FAM168A: variants seen among roughly 807,000 people sequenced by gnomAD.
FAM168A encodes protein FAM168A.
Under a neutral mutation model 28.5 loss-of-function variants are expected in FAM168A, and 3 were observed. The ratio of observed to expected loss-of-function variants is 0.11; its 90% confidence interval spans 0.05 to 0.27. The LOEUF (loss-of-function observed/expected upper bound fraction) is 0.27, where lower values mean the gene tolerates loss of function less well. Ranked by LOEUF, FAM168A falls within the 10% of genes least tolerant of loss-of-function variation. FAM168A has a pLI of 1.00. For synonymous variants in FAM168A, 122 were observed against 124.2 expected, an observed-to-expected ratio of 0.98 and a Z score of 0.12; for missense variants, 222 against 311.5, an observed-to-expected ratio of 0.71 and a Z score of 2.16.
chr11:73,514,249 A>T (rs1210094244), intron 1 of FAM168A, among the ~76,000 whole-genome samples: 2 of 151,992 alleles, frequency 1.3e-5, no homozygotes, highest in Admixed American at 6.6e-5. Context: ...AAAACAAAAT[A>T]AAAAAAAGGT....
intron 1 of FAM168A, among the ~76,000 whole-genome samples, chr11:73,546,405 C>T (rs977297224): frequency 1.3e-5 from 2 of 152,164 alleles, no homozygotes; most frequent in African/African-American, 4.8e-5. Context: ...AAGACAGCTT[C>T]TCAATAACAC....
intron 1 of FAM168A, among the ~76,000 whole-genome samples, chr11:73,567,076 G>C (rs925348750): frequency 2.0e-5 from 3 of 152,182 alleles, no homozygotes; most frequent in Non-Finnish European, 4.4e-5. Context: ...AGTCACAGGA[G>C]GTGACCCTGG....
chr11:73,582,623 T>C (rs1944261570), intron 1 of FAM168A, among the ~76,000 whole-genome samples: 1 of 152,224 alleles, frequency 6.6e-6, no homozygotes. Context: ...ATTTCAGTTG[T>C]AAAAATCAAA....
chr11:73,568,866 G>A (rs550696736), intron 1 of FAM168A, among the ~76,000 whole-genome samples: 5 of 152,036 alleles, frequency 3.3e-5, no homozygotes, highest in African/African-American at 4.8e-5. Flanking sequence ...CTGCACAAGC[G>A]AAACCCTGTC....
chr11:73,413,908 G>GA (rs1175346091), intron 4 of FAM168A, among the ~76,000 whole-genome samples: 1 of 152,000 alleles, frequency 6.6e-6, no homozygotes, highest in Non-Finnish European at 1.5e-5. Context: ...TCTAAAAAAA[G>GA]AAAAAAACTT....
At chr11:73,411,293 C>T in intron 5 of FAM168A, 101 bp downstream of exon 5, 3 of 1,358,286 alleles carry the variant, frequency 2.2e-6, no homozygotes, top group Non-Finnish European at 3.0e-6. Context: ...GAGCCACAAA[C>T]CATCCTCTCC....
At chr11:73,464,769 T>C (rs1867707502) in intron 2 of FAM168A, among the ~76,000 whole-genome samples, 1 of 152,256 alleles carries the variant, frequency 6.6e-6, no homozygotes, top group Non-Finnish European at 1.5e-5. Flanking sequence ...TTTCTAATTG[T>C]GTTTTGGAAA....
At chr11:73,549,613 T>C (rs546627780) in intron 1 of FAM168A, among the ~76,000 whole-genome samples, 1 of 152,290 alleles carries the variant, frequency 6.6e-6, no homozygotes, top group African/African-American at 2.4e-5. Flanking sequence ...GCCTAACTCA[T>C]TTCTGTATCC....
At chr11:73,485,481 G>T (rs1159306246) in intron 1 of FAM168A, among the ~76,000 whole-genome samples, 1 of 152,168 alleles carries the variant, frequency 6.6e-6, no homozygotes, top group African/African-American at 2.4e-5. Context: ...AAGAATACGT[G>T]AATGAATGAT....
chr11:73,542,039 A>G (rs754721414), intron 1 of FAM168A, among the ~76,000 whole-genome samples: 3 of 152,112 alleles, frequency 2.0e-5, no homozygotes, highest in Non-Finnish European at 4.4e-5. Context: ...TTCTTCCTCT[A>G]CCTCACTGGC....
At chr11:73,410,723 C>G (rs1866593799) in intron 5 of FAM168A, 2 of 152,174 alleles carry the variant, frequency 1.3e-5, no homozygotes, top group African/African-American at 4.8e-5. Context: ...TAAAATATAG[C>G]TGTTTTTTAA....
chr11:73,419,782 A>G, intron 4 of FAM168A, 92 bp downstream of exon 4: 1 of 1,492,492 alleles, frequency 6.7e-7, no homozygotes, highest in Non-Finnish European at 9.1e-7. Context: ...TATCTCATAA[A>G]TGTCATTTTA....
chr11:73,447,035 A>C (rs1232130933), intron 2 of FAM168A, among the ~76,000 whole-genome samples: 1 of 152,118 alleles, frequency 6.6e-6, no homozygotes, highest in Non-Finnish European at 1.5e-5. Flanking sequence ...TTTACACTTC[A>C]ACAACAACAT....
In FAM168A at chr11:73,552,002, G is replaced by A. The variant is rs76821077; in HGVS notation, c.-19+45921C>T. 9.8e-3 allele frequency among the ~76,000 whole-genome samples: 1,499 copies of A among 152,310 alleles called. 29 individuals are homozygous for A. Among genetic ancestry groups the A allele is most frequent in the African/African-American group, 0.034 (1,394 of 41,562 alleles). The stretch of plus-strand genomic sequence containing the variant: ...GAATATGTGGGGAAAAGGAAGGAAC[G>A]ATCTCACATTTTTAAGAAAATATCT... On this transcript the variant is annotated intron_variant, in intron 1 of 7. Transcript: ENST00000356467.
intron 4 of FAM168A, among the ~76,000 whole-genome samples, chr11:73,412,469 GAAAAGAGT>G (rs1866630547): frequency 6.6e-6 from 1 of 152,164 alleles, no homozygotes; most frequent in Admixed American, 6.5e-5. Flanking sequence ...TAATCCTCCG[GAAAAGAGT>G]GACAGATCCT....
chr11:73,513,220 T>G (rs1855262882), intron 1 of FAM168A, among the ~76,000 whole-genome samples: 1 of 144,850 alleles, frequency 6.9e-6, no homozygotes, highest in Admixed American at 6.9e-5. Flanking sequence ...TTTTTTTTTT[T>G]TTTTTTTGAG....
At chr11:73,483,775 C>A (rs1189087555) in intron 1 of FAM168A, among the ~76,000 whole-genome samples, 1 of 152,158 alleles carries the variant, frequency 6.6e-6, no homozygotes, top group African/African-American at 2.4e-5. Context: ...GAAGTAGAGA[C>A]AAAGATGTCC....
intron 1 of FAM168A, among the ~76,000 whole-genome samples, chr11:73,484,719 T>G (rs1188135438): frequency 6.9e-6 from 1 of 144,878 alleles, no homozygotes; most frequent in Non-Finnish European, 1.5e-5. Flanking sequence ...TAGATATATA[T>G]ATAGATATAT....
chr11:73,428,610 A>G (rs1450553932), intron 3 of FAM168A, among the ~76,000 whole-genome samples: 1 of 152,212 alleles, frequency 6.6e-6, no homozygotes, highest in Non-Finnish European at 1.5e-5. Flanking sequence ...CTTAAATTTA[A>G]GTCATTTATA....
Sources: gnomAD v4.1 joint callset for allele counts (sites outside exome capture counted in the v4.1 genomes callset) on GRCh38, gnomAD v4.1.1 for gene constraint, MANE v1.5 for transcripts, NCBI Gene and HGNC (gene_info 2026-07-23, HGNC 2026-07-21) for gene names.